The following PODNL1 variants were observed in gnomAD, a reference collection of about 807,000 sequenced individuals.
The protein encoded by PODNL1 is podocan-like protein 1.
In PODNL1, 50 loss-of-function variants were observed where a neutral mutation model predicts 45.1. That is an observed-to-expected ratio of 1.11 (90% CI 0.88 to 1.40). The LOEUF is 1.40. Ranked by LOEUF, PODNL1 falls within the 40% of genes most tolerant of loss-of-function variation. The pLI, the probability that PODNL1 is intolerant of heterozygous loss-of-function variation, is 0.00. For missense variants in PODNL1, 788 were observed against 793.3 expected (o/e 0.99, Z 0.08); for synonymous variants, 406 against 372.5 (o/e 1.09, Z -1.04).
At position 13,952,569 on chromosome 19, in the gene PODNL1, C is replaced by T. The variant is rs1973100151; in HGVS notation, c.18+550G>A. The T allele has an allele frequency of 4.7e-6, 6 of 1,264,694 alleles. No homozygotes were observed. The South Asian group carries it at 1.0e-4, about 21-fold the overall frequency. 78.3% of individuals were successfully genotyped at this position (1,264,694 alleles called of 1,614,324 possible). On this transcript the variant is annotated intron_variant, in intron 1 of 7. Transcript: ENST00000538371. ...GCGGGGCTGGGAGCGGCGGCGGCGGCCCCGGGGGAGCCGGAGGGAAGCGGG... is the reference window on the plus strand; with the variant it reads ...GCGGGGCTGGGAGCGGCGGCGGCGGTCCCGGGGGAGCCGGAGGGAAGCGGG...
chr19:13,938,367 C>T lies in PODNL1; in HGVS notation c.-186G>A, dbSNP rs1375798414. 2.4e-5 allele frequency: 33 copies of T among 1,399,514 alleles called. 2 individuals carry two copies. The South Asian group carries it at 5.3e-4, about 22-fold the overall frequency. The allele number at this position is 1,399,514 out of a possible 1,614,324, so 86.7% of individuals were successfully genotyped here. A position where few individuals can be genotyped will look rare whatever the true frequency, so the allele number is the denominator to read the frequency against. On this transcript the variant is annotated 5_prime_UTR_variant, in exon 1 of 10. Coordinates refer to ENST00000588872, the MANE Select transcript of PODNL1 (RefSeq NM_001370095.3). ...GAGCTGGCCCACCCCCTTCCCCGCC[C>T]TGGGGAGGACGGGCAGGCGGCCGGA...
chr19:13,938,481 C>T (rs565858354), upstream of PODNL1: 15 of 1,231,372 alleles, frequency 1.2e-5, no homozygotes, highest in Middle Eastern at 3.2e-4. Flanking sequence ...CAGCCTGGGC[C>T]GGGCCACAAG....
intron 1 of PODNL1, 40 bp downstream of exon 1, chr19:13,938,139 G>A: frequency 1.3e-6 from 2 of 1,565,648 alleles, no homozygotes; most frequent in Admixed American, 1.9e-5. Context: ...TGGGGGGGCA[G>A]GCAGGCCCCA....
chr19:13,938,283 C>T lies in PODNL1; in HGVS notation c.-102G>A. The T allele has an allele frequency of 7.4e-6, 11 of 1,495,840 alleles. No individual in the cohort carries two copies. The South Asian group carries it at 1.2e-4, about 16-fold the overall frequency. 92.7% of individuals were successfully genotyped at this position (1,495,840 alleles called of 1,614,324 possible). ...GAGCCTCTGCTGTGGCCACCACCGCCCCCCATCTCCAGACCCATGCCACCC... is the reference window on the plus strand; with the variant it reads ...GAGCCTCTGCTGTGGCCACCACCGCTCCCCATCTCCAGACCCATGCCACCC... On this transcript the variant is annotated 5_prime_UTR_variant, in exon 1 of 10. Transcript: ENST00000588872.
intron 6 of PODNL1, 57 bp downstream of exon 6, chr19:13,934,196 TC>T (rs749308984): frequency 6.8e-7 from 1 of 1,465,878 alleles, no homozygotes. Context: ...ACTGGAGGGG[TC>T]CCCCTGGAAA....
At chr19:13,943,131 T>C (rs1319829384), upstream of PODNL1, among the ~76,000 whole-genome samples, 1 of 150,122 alleles carries the variant, frequency 6.7e-6, no homozygotes, top group Non-Finnish European at 1.5e-5. Flanking sequence ...ACCCCGTCTC[T>C]ACTAAAAATA....
At position 13,931,745 on chromosome 19, in the gene PODNL1, C is replaced by T; in HGVS notation, c.1717G>A (p.Gly573Ser). The T allele has an allele frequency of 8.1e-7, 1 of 1,231,892 alleles. No individual in the cohort carries two copies. The highest frequency in any genetic ancestry group is 1.0e-6 in the Non-Finnish European group (1 of 987,952). 76.3% of individuals were successfully genotyped at this position (1,231,892 alleles called of 1,614,324 possible). ...PTTPRGPRAG[G>S]P ...GCTGGGCCTCTCTAGGATCAGGGGC[C>T]CCCTGCCCGTGGCCCACGTGGGGTG... The change falls in exon 10 of 10, where the codon GGC becomes AGC. Residue 573 changes from glycine (G) to serine (S), a missense_variant. By Grantham distance (56) the Gly-to-Ser change is moderately conservative (BLOSUM62 0). Coordinates refer to ENST00000588872, the MANE Select transcript of PODNL1 (RefSeq NM_001370095.3).
intron 1 of PODNL1, among the ~76,000 whole-genome samples, chr19:13,945,234 G>A (rs959577852): frequency 2.0e-5 from 3 of 152,012 alleles, no homozygotes; most frequent in African/African-American, 7.2e-5. Context: ...AGTTGAGCAG[G>A]GTGCAGTGGC....
chr19:13,942,125 G>A (rs992741425), upstream of PODNL1, among the ~76,000 whole-genome samples: 68 of 152,106 alleles, frequency 4.5e-4, no homozygotes, highest in African/African-American at 1.4e-3. Context: ...TTTGAGTTCC[G>A]GGCAAGCCTC....
At chr19:13,940,570 CAA>C (rs759568554), upstream of PODNL1, among the ~76,000 whole-genome samples, 686 of 83,180 alleles carry the variant, frequency 8.2e-3, 4 homozygotes, top group African/African-American at 0.031. Context: ...GACTCCGTCT[CAA>C]AAAAAAAAAA....
At chr19:13,950,194 G>A (rs1390471858) in intron 1 of PODNL1, among the ~76,000 whole-genome samples, 3 of 150,974 alleles carry the variant, frequency 2.0e-5, no homozygotes, top group East Asian at 3.9e-4. Flanking sequence ...TTGAGACAAG[G>A]TCTCGCTCTG....
Position 13,935,805 on chromosome 19 carries a change from G to A in PODNL1, c.410C>T (p.Pro137Leu), listed in dbSNP as rs755880296. The change falls in exon 5 of 10, where the codon CCC (proline) becomes CTC (leucine). Residue 137 changes from proline (P) to leucine (L), a missense_variant. This residue lies in a region of PODNL1 where 762 missense variants were observed against 750.9 expected (regional missense o/e 1.01). Transcript: ENST00000588872. Reference sequence around the variant, plus strand: ...CAGATCCGCGACACGGAGGGACCGGGGCAGAAACTGAGGGGCCACTGAGAG... The same window carrying A: ...CAGATCCGCGACACGGAGGGACCGGAGCAGAAACTGAGGGGCCACTGAGAG... Reference protein sequence around the residue: ...NKLSVAPQFLPRSLRVADLAA... With the variant: ...NKLSVAPQFLLRSLRVADLAA... 5.6e-6 allele frequency: 9 copies of A among 1,604,098 alleles called. No homozygotes were observed. In the South Asian group the frequency reaches 1.0e-4, roughly 18 times the overall value.
At position 13,932,790 on chromosome 19, in the gene PODNL1, T is replaced by C. The variant is rs1599422560; in HGVS notation, c.1425+8A>G. On this transcript the variant is annotated splice_region_variant and intron_variant, in intron 8 of 9. Transcript: ENST00000588872. ...GGGGACAGTGTGGCTAACCAGCCTG[T>C]GCCTGACCTGGAGGGCTTGGAGCTC... 6.2e-7 allele frequency: 1 copy of C among 1,613,030 alleles called. No individual in the cohort carries two copies. The highest frequency in any genetic ancestry group is 2.2e-5 in the East Asian group (1 of 44,878).
intron 1 of PODNL1, among the ~76,000 whole-genome samples, chr19:13,949,863 T>G (rs1007087424): frequency 6.9e-6 from 1 of 144,952 alleles, no homozygotes; most frequent in African/African-American, 2.7e-5. Context: ...TCCGCTAAAT[T>G]ATTTATTTAT....
chr19:13,951,463 C>G (rs1973025906), intron 1 of PODNL1, among the ~76,000 whole-genome samples: 1 of 151,762 alleles, frequency 6.6e-6, no homozygotes, highest in African/African-American at 2.4e-5. Flanking sequence ...TGGTGAAACT[C>G]CGTCCCTACA....
At position 13,932,995 on chromosome 19, in the gene PODNL1, C is replaced by T. The variant is rs1357886331; in HGVS notation, c.1228G>A (p.Gly410Arg). Residue 410 changes from glycine to arginine, a missense_variant, in exon 8 of 10, where the codon GGG (glycine) becomes AGG (arginine). Physicochemically the swap from Gly to Arg is moderately radical, Grantham distance 125. Coordinates refer to ENST00000588872, the MANE Select transcript of PODNL1 (RefSeq NM_001370095.3). ...LRALRSLDLA[G>R]NQLTRLPMGL... Reference sequence around the variant, plus strand: ...ATGGGCAGCCGGGTTAGCTGATTCCCTGCCAGGTCGAGGCTGCGCAGGGCA... The same window carrying T: ...ATGGGCAGCCGGGTTAGCTGATTCCTTGCCAGGTCGAGGCTGCGCAGGGCA... 1.9e-6 allele frequency: 3 copies of T among 1,547,364 alleles called. No individual in the cohort carries two copies. Among genetic ancestry groups the T allele is most frequent in the Non-Finnish European group, 1.7e-6 (2 of 1,152,326 alleles).
Position 13,937,784 on chromosome 19 carries a change from C to A in PODNL1, c.225+1G>T. On this transcript the variant is annotated splice_donor_variant, in intron 2 of 9. Transcript: ENST00000588872. LOFTEE classifies it high-confidence loss of function. ...CCCCCACTCCCCTCCGTGGGCCCCA[C>A]CTGCAGGGAGAGGTGCTGAGCGGCT... The A allele has an allele frequency of 1.9e-6, 3 of 1,577,478 alleles. No homozygotes were observed. Among genetic ancestry groups the A allele is most frequent in the South Asian group, 1.2e-5 (1 of 86,084 alleles).
intron 1 of PODNL1, among the ~76,000 whole-genome samples, chr19:13,944,338 T>A (rs893533992): frequency 1.3e-5 from 2 of 151,788 alleles, no homozygotes; most frequent in Non-Finnish European, 2.9e-5. Context: ...AATTTTTTTG[T>A]ATTTTTAGTA....
At position 13,933,519 on chromosome 19, in the gene PODNL1, C is replaced by T. The variant is rs934691511; in HGVS notation, c.768-64G>A. On this transcript the variant is annotated intron_variant, in intron 7 of 9. Coordinates refer to ENST00000588872, the MANE Select transcript of PODNL1 (RefSeq NM_001370095.3). The surrounding 1 kb of genome is among the most constrained non-coding windows in gnomAD (Gnocchi z 5.2). ...GAGTGGGGTGCCTGACAGATTTTGGCGGGGAGGCTGGGGAGTGGTCCTGAG... is the reference window on the plus strand; with the variant it reads ...GAGTGGGGTGCCTGACAGATTTTGGTGGGGAGGCTGGGGAGTGGTCCTGAG... 11 of 1,486,982 alleles carry T rather than the reference C, an allele frequency of 7.4e-6. No homozygotes were observed. In the Admixed American group the frequency reaches 8.7e-5, roughly 12 times the overall value. 92.1% of individuals were successfully genotyped at this position (1,486,982 alleles called of 1,614,324 possible). A position where few individuals can be genotyped will look rare whatever the true frequency, so the allele number is the denominator to read the frequency against.
Sources: allele counts gnomAD v4.1 joint callset (sites outside exome capture counted in the v4.1 genomes callset), GRCh38; gene constraint gnomAD v4.1.1; regional missense constraint gnomAD v4.1.1; non-coding constraint Gnocchi (gnomAD v3.1); transcripts MANE v1.5; gene names NCBI Gene and HGNC (gene_info 2026-07-23, HGNC 2026-07-21).